Variants in PHKB observed in about 807,000 individuals in gnomAD.
The protein encoded by PHKB is phosphorylase b kinase regulatory subunit beta.
A neutral mutation model predicts 152.1 loss-of-function variants in PHKB; 122 were observed. That is an observed-to-expected ratio of 0.80 (90% CI 0.69 to 0.93). The LOEUF (loss-of-function observed/expected upper bound fraction) is 0.93. PHKB is among the 40% of genes least tolerant of loss of function. PHKB has a pLI of 0.00. For synonymous variants in PHKB, 436 were observed against 464.9 expected (o/e 0.94, Z 0.80); for missense variants, 1,304 against 1,328.4 (o/e 0.98, Z 0.29).
At chr16:47,685,633 T>G (rs1295215801) in intron 26 of PHKB, among the ~76,000 whole-genome samples, 3 of 152,186 alleles carry the variant, frequency 2.0e-5, no homozygotes, top group Non-Finnish European at 4.4e-5. Flanking sequence ...ATTAATAGTT[T>G]TATAGTTTAT....
At chr16:47,517,808 C>T (rs1393499991) in intron 6 of PHKB, among the ~76,000 whole-genome samples, 1 of 151,984 alleles carries the variant, frequency 6.6e-6, no homozygotes, top group Non-Finnish European at 1.5e-5. Flanking sequence ...TTTTTATTTA[C>T]TATATGTGAA....
intron 7 of PHKB, among the ~76,000 whole-genome samples, chr16:47,569,811 G>A (rs563728145): frequency 4.6e-5 from 7 of 152,006 alleles, no homozygotes; most frequent in South Asian, 2.1e-4. Context: ...TAGTAAAGAC[G>A]ATGTTTCACC....
At chr16:47,476,013 A>G (rs1969861949) in intron 1 of PHKB, among the ~76,000 whole-genome samples, 6 of 152,096 alleles carry the variant, frequency 3.9e-5, no homozygotes, top group Admixed American at 3.9e-4. Context: ...GACTACAGGC[A>G]TGTGCCACCA....
intron 20 of PHKB, among the ~76,000 whole-genome samples, chr16:47,658,303 T>A (rs1973375137): frequency 6.6e-6 from 1 of 152,182 alleles, no homozygotes; most frequent in Non-Finnish European, 1.5e-5. Flanking sequence ...CTTCAGTTTC[T>A]GATTGCATGT....
At chr16:47,647,784 A>G (rs1006814972) in intron 16 of PHKB, among the ~76,000 whole-genome samples, 4 of 152,214 alleles carry the variant, frequency 2.6e-5, no homozygotes, top group African/African-American at 9.6e-5. Flanking sequence ...GGCGTGAGCC[A>G]CCATGCCCAG....
chr16:47,641,108 G>A lies in PHKB; in HGVS notation c.1514+18G>A. ...AGCCAAAGGTATGAAATCCAAGTGG[G>A]TGGTGTGTTTTTTTGTGGGGAGGGG... On this transcript the variant is annotated intron_variant, in intron 15 of 30. Coordinates refer to ENST00000323584, the MANE Select transcript of PHKB (RefSeq NM_000293.3). 3.7e-6 allele frequency: 6 copies of A among 1,609,762 alleles called. No individual in the cohort carries two copies. Among genetic ancestry groups the A allele is most frequent in the Non-Finnish European group, 4.3e-6 (5 of 1,176,156 alleles).
chr16:47,678,375 G>C (rs1314302260), intron 26 of PHKB, among the ~76,000 whole-genome samples: 7 of 152,118 alleles, frequency 4.6e-5, no homozygotes, highest in East Asian at 1.9e-4. Context: ...AACTAGTTCA[G>C]AGTCCCACCA....
At chr16:47,581,467 G>A (rs1971843985) in intron 8 of PHKB, among the ~76,000 whole-genome samples, 1 of 152,124 alleles carries the variant, frequency 6.6e-6, no homozygotes, top group African/African-American at 2.4e-5. Flanking sequence ...CATTATATTA[G>A]GGGTCAGGAG....
At position 47,701,081 on chromosome 16, in the gene PHKB, G is replaced by A. The variant is rs1017936449; in HGVS notation, c.*1715G>A. On this transcript the variant is annotated 3_prime_UTR_variant, in exon 31 of 31. Transcript: ENST00000323584. The stretch of plus-strand genomic sequence containing the variant: ...AGTTTATGAAAAGATAGTCGTGAAG[G>A]GTGAAGCTAATTTGTAAAACTAATG... The A allele has an allele frequency of 6.6e-6, 1 of 152,098 alleles. No homozygotes were observed. The highest frequency in any genetic ancestry group is 6.5e-5 in the Admixed American group (1 of 15,274). 9.4% of individuals were successfully genotyped at this position (152,098 alleles called of 1,614,324 possible).
rs1057181287 is a variant in PHKB at position 47,518,687 on chromosome 16, GA to G, written c.594+3091del. On this transcript the variant is annotated intron_variant, in intron 6 of 30. Coordinates refer to ENST00000323584, the MANE Select transcript of PHKB (RefSeq NM_000293.3). ...ATTTTTTATTAAAAATAAAAACTTTGAAAAAGACAAAGTTCTGTAGTTCTGC... is the reference window on the plus strand; with the variant it reads ...ATTTTTTATTAAAAATAAAAACTTTGAAAAGACAAAGTTCTGTAGTTCTGC... Among the ~76,000 whole-genome samples, 23 of 152,048 alleles carry G rather than the reference GA, an allele frequency of 1.5e-4. 1 individual carries two copies. The highest frequency in any genetic ancestry group is 1.3e-3 in the Admixed American group (20 of 15,264).
At chr16:47,643,371 A>T (rs1207865859) in intron 16 of PHKB, among the ~76,000 whole-genome samples, 1 of 152,226 alleles carries the variant, frequency 6.6e-6, no homozygotes, top group African/African-American at 2.4e-5. Flanking sequence ...ATAGATGTTC[A>T]TACAAAGTGC....
At chr16:47,545,382 G>A (rs962781735) in intron 6 of PHKB, among the ~76,000 whole-genome samples, 1 of 152,170 alleles carries the variant, frequency 6.6e-6, no homozygotes, top group Admixed American at 6.5e-5. Flanking sequence ...GTAATTCTGG[G>A]TTGAAAATTC....
rs976580540 is a variant in PHKB at position 47,625,998 on chromosome 16, T to A, written c.1459-15037T>A. On this transcript the variant is annotated intron_variant, in intron 14 of 30. Coordinates refer to ENST00000323584, the MANE Select transcript of PHKB (RefSeq NM_000293.3). ...GTTGTCTTCTCTCTTATATGGTGAG[T>A]TCATAAAGAATAGAGAAAATGTTTC... 6.0e-4 allele frequency among the ~76,000 whole-genome samples: 92 copies of A among 152,256 alleles called. 1 individual carries two copies. Among genetic ancestry groups the A allele is most frequent in the African/African-American group, 2.1e-3 (86 of 41,532 alleles).
intron 7 of PHKB, among the ~76,000 whole-genome samples, chr16:47,569,959 C>T (rs1194457293): frequency 6.6e-6 from 1 of 152,164 alleles, no homozygotes; most frequent in Non-Finnish European, 1.5e-5. Context: ...CTCCATTGAG[C>T]ATTTCTTATA....
chr16:47,609,393 A>C (rs981368812), intron 13 of PHKB, among the ~76,000 whole-genome samples: 4 of 128,438 alleles, frequency 3.1e-5, no homozygotes, highest in African/African-American at 1.1e-4. Context: ...TTAGAATAAT[A>C]CTGACCTCTT....
chr16:47,639,453 G>A (rs982936422), intron 14 of PHKB, among the ~76,000 whole-genome samples: 1 of 152,158 alleles, frequency 6.6e-6, no homozygotes, highest in Non-Finnish European at 1.5e-5. Context: ...ACTTGGGCTG[G>A]AGTTGTAAGT....
At chr16:47,465,918 T>C (rs1232687976) in intron 1 of PHKB, among the ~76,000 whole-genome samples, 1 of 152,212 alleles carries the variant, frequency 6.6e-6, no homozygotes, top group Non-Finnish European at 1.5e-5. Context: ...GAGCTTTTCA[T>C]TGGTACTTTG....
intron 8 of PHKB, 113 bp downstream of exon 8, chr16:47,580,471 T>A: frequency 1.3e-6 from 1 of 785,666 alleles, no homozygotes; most frequent in Non-Finnish European, 2.2e-6. Context: ...AAAATTTATG[T>A]AGAAGCTCAT....
At chr16:47,682,842 C>G (rs1973888189) in intron 26 of PHKB, among the ~76,000 whole-genome samples, 1 of 152,170 alleles carries the variant, frequency 6.6e-6, no homozygotes, top group African/African-American at 2.4e-5. Context: ...AGGTGCTCTG[C>G]TTTTTAGAGT....
Sources: gnomAD v4.1 joint callset for allele counts (sites outside exome capture counted in the v4.1 genomes callset) on GRCh38, gnomAD v4.1.1 for gene constraint, MANE v1.5 for transcripts, NCBI Gene and HGNC (gene_info 2026-07-23, HGNC 2026-07-21) for gene names.